CACNA2D3: variants seen among roughly 807,000 people sequenced by gnomAD.
The protein encoded by CACNA2D3 is calcium voltage-gated channel auxiliary subunit alpha2delta 3.
Under a neutral mutation model 160.6 loss-of-function variants are expected in CACNA2D3, and 60 were observed. The observed-to-expected ratio is 0.37, with a 90% CI of 0.30 to 0.46. The LOEUF (loss-of-function observed/expected upper bound fraction) is 0.46. Ranked by LOEUF, CACNA2D3 falls within the 20% of genes least tolerant of loss-of-function variation. CACNA2D3 has a pLI of 1.00. For missense variants in CACNA2D3, 1,205 were observed against 1,365.0 expected, an observed-to-expected ratio of 0.88 and a Z score of 1.85; for synonymous variants, 558 against 492.9, an observed-to-expected ratio of 1.13 and a Z score of -1.75.
At chr3:54,318,556 T>C (rs1169795537) in intron 2 of CACNA2D3, among the ~76,000 whole-genome samples, 1 of 152,066 alleles carries the variant, frequency 6.6e-6, no homozygotes, top group Non-Finnish European at 1.5e-5. Context: ...AACTCCAAGC[T>C]CTTGGGTCTA....
intron 35 of CACNA2D3, among the ~76,000 whole-genome samples, chr3:55,070,978 T>G (rs890297503): frequency 1.3e-5 from 2 of 152,154 alleles, no homozygotes; most frequent in African/African-American, 2.4e-5. Context: ...GTCCATATTT[T>G]TAACAGATCA....
intron 2 of CACNA2D3, among the ~76,000 whole-genome samples, chr3:54,167,111 C>T (rs1210009453): frequency 6.6e-6 from 1 of 152,084 alleles, no homozygotes; most frequent in Non-Finnish European, 1.5e-5. Flanking sequence ...CTGCTGTTTC[C>T]TCTGCTTGCA....
At chr3:54,864,760 A>G (rs1156962865) in intron 17 of CACNA2D3, among the ~76,000 whole-genome samples, 2 of 152,156 alleles carry the variant, frequency 1.3e-5, no homozygotes, top group African/African-American at 4.8e-5. Flanking sequence ...AAGGACCTGC[A>G]TTAGCCAGGA....
In CACNA2D3 at chr3:54,569,327, C is replaced by T. The variant is rs527236751; in HGVS notation, c.677-468C>T. 1.2e-3 allele frequency among the ~76,000 whole-genome samples: 189 copies of T among 152,232 alleles called. No homozygotes were observed. In the Middle Eastern group the frequency reaches 0.017, roughly 14 times the overall value. ...AACAGGAGTGAGGAGGGAACAGACC[C>T]GTGTATATCCTTAGTTGGAAACATT... On this transcript the variant is annotated intron_variant, in intron 6 of 37. Coordinates refer to ENST00000474759, the MANE Select transcript of CACNA2D3 (RefSeq NM_018398.3).
chr3:54,435,221 G>C (rs1700043072), intron 4 of CACNA2D3, among the ~76,000 whole-genome samples: 1 of 152,106 alleles, frequency 6.6e-6, no homozygotes, highest in Non-Finnish European at 1.5e-5. Flanking sequence ...CTGCCCTTTG[G>C]GGTCAGTAAC....
At chr3:54,612,496 C>T (rs1391205141) in intron 9 of CACNA2D3, among the ~76,000 whole-genome samples, 1 of 152,138 alleles carries the variant, frequency 6.6e-6, no homozygotes, top group African/African-American at 2.4e-5. Flanking sequence ...AGTGAAGGAC[C>T]TTCTCTAGCT....
chr3:54,763,667 G>A (rs1411071429), intron 12 of CACNA2D3, among the ~76,000 whole-genome samples: 1 of 144,328 alleles, frequency 6.9e-6, no homozygotes, highest in Non-Finnish European at 1.5e-5. Context: ...GTGTGTGTGT[G>A]TGTATATATG....
intron 2 of CACNA2D3, among the ~76,000 whole-genome samples, chr3:54,156,247 G>T (rs997176748): frequency 6.6e-6 from 1 of 152,172 alleles, no homozygotes; most frequent in African/African-American, 2.4e-5. Flanking sequence ...TCCATAAAGG[G>T]TGTGCTATCA....
rs1456438828 is a variant in CACNA2D3 at position 54,871,556 on chromosome 3, G to A, written c.1644G>A (p.Lys548=). The A allele has an allele frequency of 6.2e-7, 1 of 1,613,386 alleles. No homozygotes were observed. Residue 548 remains lysine (K), a synonymous_variant, in exon 18 of 38, where the codon AAG becomes AAA. Transcript: ENST00000474759. ...CTTGCTAGTACGAAGAAGGAAAAAA[G>A]CGAAGGAAACCTAACTATAGTAGCG... ...ELRLLYEEGK[K]RRKPNYSSVD... is the part of the protein sequence containing the mutation.
At position 54,380,369 on chromosome 3, in the gene CACNA2D3, G is replaced by A. The variant is rs956279892; in HGVS notation, c.322-6346G>A. On this transcript the variant is annotated intron_variant, in intron 3 of 37. Transcript: ENST00000474759. ...GCATGTCAAGTTCAAGCCCTGCTGT[G>A]TAACACGCTGCTAGGATCGCATTAG... is the stretch of plus-strand genomic sequence containing the variant. Among the ~76,000 whole-genome samples the A allele has an allele frequency of 3.3e-5, 5 of 152,212 alleles. No individual in the cohort carries two copies. In the East Asian group the frequency reaches 9.6e-4, roughly 29 times the overall value.
intron 17 of CACNA2D3, among the ~76,000 whole-genome samples, chr3:54,858,548 C>T (rs1699218891): frequency 6.6e-6 from 1 of 152,176 alleles, no homozygotes; most frequent in African/African-American, 2.4e-5. Context: ...GAGAAGCAGG[C>T]ATTGCATTAG....
At chr3:55,056,591 C>A (rs1156399916) in intron 35 of CACNA2D3, among the ~76,000 whole-genome samples, 1 of 152,030 alleles carries the variant, frequency 6.6e-6, no homozygotes, top group Non-Finnish European at 1.5e-5. Flanking sequence ...AAGGAAAATG[C>A]AGTATAAGCG....
At chr3:54,476,809 C>T (rs1178975244) in intron 4 of CACNA2D3, among the ~76,000 whole-genome samples, 1 of 152,166 alleles carries the variant, frequency 6.6e-6, no homozygotes, top group Non-Finnish European at 1.5e-5. Context: ...TGGGTATTAA[C>T]CCCTTATTGA....
intron 13 of CACNA2D3, among the ~76,000 whole-genome samples, chr3:54,808,151 C>G (rs1231382764): frequency 6.6e-6 from 1 of 151,686 alleles, no homozygotes; most frequent in Non-Finnish European, 1.5e-5. Context: ...CACATGTATA[C>G]ATATGTAACT....
intron 12 of CACNA2D3, among the ~76,000 whole-genome samples, chr3:54,758,845 C>T (rs913475311): frequency 2.0e-5 from 3 of 152,152 alleles, no homozygotes; most frequent in Admixed American, 2.0e-4. Context: ...TCAAAGGAAG[C>T]TACACCCGTC....
At chr3:54,162,904 G>A (rs1700374045) in intron 2 of CACNA2D3, among the ~76,000 whole-genome samples, 1 of 152,198 alleles carries the variant, frequency 6.6e-6, no homozygotes, top group Admixed American at 6.5e-5. Context: ...GTGGTATGAA[G>A]AACAATAAAT....
At chr3:54,236,937 C>T (rs1264556526) in intron 2 of CACNA2D3, among the ~76,000 whole-genome samples, 5 of 151,842 alleles carry the variant, frequency 3.3e-5, no homozygotes, top group African/African-American at 7.3e-5. Context: ...ATATCTGTAG[C>T]GCACTCAGCA....
At chr3:54,327,893 G>C (rs552979175) in intron 3 of CACNA2D3, among the ~76,000 whole-genome samples, 11 of 152,178 alleles carry the variant, frequency 7.2e-5, no homozygotes, top group African/African-American at 2.6e-4. Context: ...CTTTTTAAAA[G>C]ATTACATGTT....
At chr3:54,631,512 TAAA>T (rs1341802015) in intron 10 of CACNA2D3, among the ~76,000 whole-genome samples, 1 of 152,060 alleles carries the variant, frequency 6.6e-6, no homozygotes. Flanking sequence ...CAATATGAAA[TAAA>T]AAGTTATTTC....
Sources: allele counts gnomAD v4.1 joint callset (sites outside exome capture counted in the v4.1 genomes callset), GRCh38; gene constraint gnomAD v4.1.1; transcripts MANE v1.5; gene names NCBI Gene and HGNC (gene_info 2026-07-23, HGNC 2026-07-21).